The following CERS6 variants were observed in gnomAD, a reference collection of about 807,000 sequenced individuals.
CERS6 encodes the protein ceramide synthase 6.
In CERS6, 26 loss-of-function variants were observed where a neutral mutation model predicts 56.8. The ratio of observed to expected loss-of-function variants is 0.46; its 90% CI spans 0.34 to 0.63. CERS6 has a LOEUF of 0.63. Ranked by LOEUF, CERS6 falls within the 30% of genes least tolerant of loss-of-function variation. CERS6 has a pLI of 0.01. For missense variants in CERS6, 415 were observed against 467.5 expected, an observed-to-expected ratio of 0.89 and a Z score of 1.04; for synonymous variants, 164 against 173.3, an observed-to-expected ratio of 0.95 and a Z score of 0.42.
At chr2:168,504,781 C>T (rs1247438568) in intron 1 of CERS6, among the ~76,000 whole-genome samples, 1 of 151,984 alleles carries the variant, frequency 6.6e-6, no homozygotes, top group African/African-American at 2.4e-5. Flanking sequence ...ACTATGAATC[C>T]CTTGGAGAGG....
At chr2:168,571,598 A>T (rs1019989906) in intron 3 of CERS6, among the ~76,000 whole-genome samples, 1 of 152,170 alleles carries the variant, frequency 6.6e-6, no homozygotes, top group African/African-American at 2.4e-5. Flanking sequence ...ATCCAAATTC[A>T]TAATAAGCCC....
intron 8 of CERS6, among the ~76,000 whole-genome samples, chr2:168,733,973 G>C (rs1477113384): frequency 6.6e-6 from 1 of 152,162 alleles, no homozygotes. Flanking sequence ...CAAGGCAAAT[G>C]AAATTACCAG....
chr2:168,740,942 C>T (rs1183871298), intron 8 of CERS6, among the ~76,000 whole-genome samples: 1 of 152,020 alleles, frequency 6.6e-6, no homozygotes, highest in Admixed American at 6.6e-5. Flanking sequence ...CAGAGGAATT[C>T]AGGAGATGGA....
intron 8 of CERS6, among the ~76,000 whole-genome samples, chr2:168,752,708 G>A (rs1406123291): frequency 1.3e-5 from 2 of 152,210 alleles, no homozygotes; most frequent in Non-Finnish European, 2.9e-5. Context: ...GCTGCTGAAA[G>A]CTGAGGTTCT....
At position 168,645,112 on chromosome 2, in the gene CERS6, A is replaced by ATATATATATATAT. The variant is rs1421470329; in HGVS notation, c.465+14070_465+14071insTATATATATATAT. Reference sequence around the variant, plus strand: ...TCTTAAAAAAAAAAAAAAAAAAAAAAAAAAATATATATATATATATATATA... The same window carrying ATATATATATATAT: ...TCTTAAAAAAAAAAAAAAAAAAAAAATATATATATATATAAAAATATATATATATATATATATA... On this transcript the variant is annotated intron_variant, in intron 4 of 9. Transcript: ENST00000305747. Among the ~76,000 whole-genome samples the ATATATATATATAT allele has an allele frequency of 3.8e-4, 18 of 47,726 alleles. 2 individuals are homozygous for ATATATATATATAT. Among genetic ancestry groups the ATATATATATATAT allele is most frequent in the South Asian group, 8.5e-4 (1 of 1,176 alleles). The allele number at this position is 47,726 out of a possible 152,430, so 31.3% of individuals were successfully genotyped here.
At chr2:168,733,109 A>G (rs772572911) in intron 8 of CERS6, among the ~76,000 whole-genome samples, 4 of 152,194 alleles carry the variant, frequency 2.6e-5, no homozygotes. Flanking sequence ...TCCTGCTGCA[A>G]AACAATAAAA....
intron 3 of CERS6, among the ~76,000 whole-genome samples, chr2:168,567,932 T>C (rs966123125): frequency 2.0e-5 from 3 of 152,228 alleles, no homozygotes; most frequent in Non-Finnish European, 4.4e-5. Context: ...AACCGGACTA[T>C]GGACAGTCTG....
intron 8 of CERS6, among the ~76,000 whole-genome samples, chr2:168,755,111 G>A (rs1248015001): frequency 1.3e-5 from 2 of 152,194 alleles, no homozygotes; most frequent in African/African-American, 4.8e-5. Flanking sequence ...GAAGGAGAGA[G>A]GGATTCCTAA....
chr2:168,615,376 T>A (rs978428404), intron 3 of CERS6, among the ~76,000 whole-genome samples: 1 of 151,930 alleles, frequency 6.6e-6, no homozygotes, highest in African/African-American at 2.4e-5. Context: ...AAATCCCTGA[T>A]TGACCTGAAA....
chr2:168,589,206 T>G (rs1210397088), intron 3 of CERS6, among the ~76,000 whole-genome samples: 1 of 152,232 alleles, frequency 6.6e-6, no homozygotes, highest in East Asian at 1.9e-4. Context: ...CCCGTACCTT[T>G]TACTTTGTTT....
intron 4 of CERS6, among the ~76,000 whole-genome samples, chr2:168,670,756 C>A (rs1484923586): frequency 1.3e-5 from 2 of 152,082 alleles, no homozygotes; most frequent in Non-Finnish European, 2.9e-5. Flanking sequence ...TTCATATGCC[C>A]CTTTCCTGCT....
At chr2:168,674,450 G>C (rs1390567907) in intron 4 of CERS6, among the ~76,000 whole-genome samples, 1 of 152,150 alleles carries the variant, frequency 6.6e-6, no homozygotes, top group Admixed American at 6.5e-5. Flanking sequence ...TTGGCTTCTT[G>C]ATACTAGTTT....
chr2:168,499,720 TTTTTGTGGTGCTGCAATACG>T (rs979510009), intron 1 of CERS6, among the ~76,000 whole-genome samples: 6 of 152,160 alleles, frequency 3.9e-5, no homozygotes, highest in African/African-American at 1.2e-4. Flanking sequence ...CTTGGCTCAA[TTTTTGTGGTGCTGCAATACG>T]TTTTGTGGTT....
At chr2:168,693,983 C>T (rs1021609753) in intron 5 of CERS6, among the ~76,000 whole-genome samples, 5 of 152,124 alleles carry the variant, frequency 3.3e-5, no homozygotes, top group African/African-American at 9.7e-5. Flanking sequence ...TCCTGATAGT[C>T]ATTCATTATG....
intron 3 of CERS6, among the ~76,000 whole-genome samples, chr2:168,564,645 T>G (rs1196177137): frequency 6.6e-6 from 1 of 152,162 alleles, no homozygotes; most frequent in African/African-American, 2.4e-5. Flanking sequence ...TGTGCCTTCT[T>G]CCTTCCTGCC....
At chr2:168,682,213 A>G (rs1391443174) in intron 4 of CERS6, among the ~76,000 whole-genome samples, 1 of 152,116 alleles carries the variant, frequency 6.6e-6, no homozygotes, top group Non-Finnish European at 1.5e-5. Flanking sequence ...ACCTGTTAAA[A>G]CTACATAAAC....
At chr2:168,558,031 A>T (rs1016774016) in intron 2 of CERS6, among the ~76,000 whole-genome samples, 2 of 152,208 alleles carry the variant, frequency 1.3e-5, no homozygotes, top group Non-Finnish European at 2.9e-5. Flanking sequence ...TTTGAAACAC[A>T]TGATAAAATG....
At chr2:168,714,865 T>C (rs1368572131) in intron 6 of CERS6, 136 bp from the exon 7 acceptor site, 2 of 701,848 alleles carry the variant, frequency 2.8e-6, no homozygotes, top group South Asian at 2.0e-5. Flanking sequence ...ATAAGAATTA[T>C]ACGTTATTCA....
intron 3 of CERS6, among the ~76,000 whole-genome samples, chr2:168,598,367 G>A (rs777962795): frequency 3.3e-5 from 5 of 151,928 alleles, no homozygotes; most frequent in Non-Finnish European, 4.4e-5. Context: ...CAGTTTATAC[G>A]TGGCATAGTA....
Sources: allele counts gnomAD v4.1 joint callset (sites outside exome capture counted in the v4.1 genomes callset), GRCh38; gene constraint gnomAD v4.1.1; transcripts MANE v1.5; gene names NCBI Gene and HGNC (gene_info 2026-07-23, HGNC 2026-07-21).